The following LRMDA variants were observed in gnomAD, a reference collection of about 807,000 sequenced individuals.
LRMDA encodes the protein leucine-rich melanocyte differentiation-associated protein.
Under a neutral mutation model 29.8 loss-of-function variants are expected in LRMDA, and 18 were observed. That is an observed-to-expected ratio of 0.60 (90% confidence interval 0.42 to 0.90). LRMDA has a LOEUF of 0.90. LRMDA is among the 40% of genes least tolerant of loss of function. The pLI is 0.00. For synonymous variants in LRMDA, 125 were observed against 109.4 expected (o/e 1.14, Z -0.89); for missense variants, 273 against 273.9 (o/e 1.00, Z 0.02).
chr10:75,786,553 T>A (rs1236103026), intron 2 of LRMDA, among the ~76,000 whole-genome samples: 2 of 152,214 alleles, frequency 1.3e-5, no homozygotes, highest in Non-Finnish European at 2.9e-5. Flanking sequence ...CTATATGGAA[T>A]ATATTCTTTC....
intron 2 of LRMDA, among the ~76,000 whole-genome samples, chr10:75,862,178 T>TCACACACACACACACACA (rs3042514): frequency 6.8e-6 from 1 of 147,582 alleles, no homozygotes; most frequent in Non-Finnish European, 1.5e-5. Context: ...AACCTTGGGT[T>TCACACACACACACACACA]CACACACACA....
intron 2 of LRMDA, among the ~76,000 whole-genome samples, chr10:75,659,599 C>T (rs1402011541): frequency 6.6e-6 from 1 of 152,142 alleles, no homozygotes; most frequent in Non-Finnish European, 1.5e-5. Flanking sequence ...GTCAAACTCC[C>T]AGAAGCAGGG....
At chr10:76,410,298 CTTTTTTTTTTTT>C (rs1172213249) in intron 6 of LRMDA, among the ~76,000 whole-genome samples, 16 of 66,564 alleles carry the variant, frequency 2.4e-4, no homozygotes, top group Admixed American at 8.7e-4. Context: ...CACTTTCTTT[CTTTTTTTTTTTT>C]TTTTTTTTTT....
intron 2 of LRMDA, among the ~76,000 whole-genome samples, chr10:75,819,669 G>A (rs1368816599): frequency 6.6e-6 from 1 of 152,160 alleles, no homozygotes; most frequent in East Asian, 1.9e-4. Flanking sequence ...TTCTGGTGAT[G>A]TCCTAGATAT....
chr10:76,319,271 CT>C (rs1840739844), intron 5 of LRMDA: 1 of 152,218 alleles, frequency 6.6e-6, no homozygotes, highest in Non-Finnish European at 1.5e-5. Context: ...CATGAATTGA[CT>C]TCTTCCTGTA....
intron 3 of LRMDA, among the ~76,000 whole-genome samples, chr10:76,044,450 T>A (rs954007635): frequency 6.6e-6 from 1 of 151,610 alleles, no homozygotes; most frequent in Non-Finnish European, 1.5e-5. Context: ...TTTTTTTTTT[T>A]TTTTTTCTTT....
rs192432009 is a variant in LRMDA at position 76,139,422 on chromosome 10, C to T, written c.516+80639C>T. ...CAAACCCCTTTTAATTTACCACCTT[C>T]CTCTACACACGCACAGACGCACATG... On this transcript the variant is annotated intron_variant, in intron 5 of 6. Coordinates refer to ENST00000611255, the MANE Select transcript of LRMDA (RefSeq NM_001305581.2). Among the ~76,000 whole-genome samples, 13 of 151,352 alleles carry T rather than the reference C, an allele frequency of 8.6e-5. No individual in the cohort carries two copies. The East Asian group carries it at 2.5e-3, about 30-fold the overall frequency.
intron 2 of LRMDA, among the ~76,000 whole-genome samples, chr10:76,006,181 C>T (rs1427856734): frequency 1.3e-5 from 2 of 152,140 alleles, no homozygotes; most frequent in African/African-American, 4.8e-5. Context: ...CTTTCTTTAT[C>T]TTCCTGGAGT....
At chr10:76,345,838 T>G (rs1841102033) in intron 6 of LRMDA, among the ~76,000 whole-genome samples, 1 of 152,214 alleles carries the variant, frequency 6.6e-6, no homozygotes, top group Admixed American at 6.5e-5. Flanking sequence ...AGCATTTTTC[T>G]AGTAGTAAAA....
At chr10:75,753,610 G>C (rs558756610) in intron 2 of LRMDA, among the ~76,000 whole-genome samples, 21 of 152,322 alleles carry the variant, frequency 1.4e-4, no homozygotes, top group Admixed American at 3.9e-4. Flanking sequence ...AATGCTGACA[G>C]AGGCAAGGGA....
At chr10:76,215,123 G>A (rs185404055) in intron 5 of LRMDA, among the ~76,000 whole-genome samples, 1 of 152,308 alleles carries the variant, frequency 6.6e-6, no homozygotes, top group East Asian at 1.9e-4. Context: ...TGATGGTTGG[G>A]GGATGTCAGC....
intron 2 of LRMDA, among the ~76,000 whole-genome samples, chr10:75,900,530 A>G (rs1051863501): frequency 1.3e-5 from 2 of 152,224 alleles, no homozygotes; most frequent in African/African-American, 4.8e-5. Flanking sequence ...TTGAGACTAG[A>G]TTGGGGGAGG....
intron 5 of LRMDA, among the ~76,000 whole-genome samples, chr10:76,158,002 T>C (rs56894430): frequency 0.012 from 1,791 of 152,228 alleles, 35 homozygotes; most frequent in African/African-American, 0.04. Context: ...TACAGTAAAA[T>C]ACGATATTAT....
chr10:76,426,492 C>T (rs1002509592), intron 6 of LRMDA, among the ~76,000 whole-genome samples: 12 of 151,638 alleles, frequency 7.9e-5, no homozygotes, highest in Admixed American at 4.6e-4. Context: ...ATTGTAGATT[C>T]TGGATATTAG....
chr10:75,789,368 G>A (rs1843527471), intron 2 of LRMDA, among the ~76,000 whole-genome samples: 1 of 152,224 alleles, frequency 6.6e-6, no homozygotes, highest in African/African-American at 2.4e-5. Flanking sequence ...CATACAGTGA[G>A]AAGAATGAAA....
intron 2 of LRMDA, among the ~76,000 whole-genome samples, chr10:75,680,320 A>G (rs1197747667): frequency 6.6e-6 from 1 of 152,216 alleles, no homozygotes; most frequent in African/African-American, 2.4e-5. Context: ...AGAAGAATGT[A>G]CACGAACCAA....
rs535086048 is a variant in LRMDA at position 76,315,712 on chromosome 10, G to A, written c.517-8689G>A. On this transcript the variant is annotated intron_variant, in intron 5 of 6. Transcript: ENST00000611255. ...GTGGAAGGCAGACAGGTCCCTGGGCGGAAGGGGGTGGGTGCCCAGTGAAAC... is the reference window on the plus strand; with the variant it reads ...GTGGAAGGCAGACAGGTCCCTGGGCAGAAGGGGGTGGGTGCCCAGTGAAAC... Among the ~76,000 whole-genome samples the A allele has an allele frequency of 2.6e-5, 4 of 152,288 alleles. No homozygotes were observed. The South Asian group carries it at 8.3e-4, about 32-fold the overall frequency.
At chr10:75,866,349 A>C (rs1340418197) in intron 2 of LRMDA, among the ~76,000 whole-genome samples, 2 of 152,116 alleles carry the variant, frequency 1.3e-5, no homozygotes, top group African/African-American at 4.8e-5. Flanking sequence ...GTGGCCTACA[A>C]CTCTGGAATA....
intron 6 of LRMDA, among the ~76,000 whole-genome samples, chr10:76,401,319 T>A (rs1841846081): frequency 6.6e-6 from 1 of 152,348 alleles, no homozygotes; most frequent in Non-Finnish European, 1.5e-5. Flanking sequence ...TTTATTTACT[T>A]GCTTATTCTT....
Sources: allele counts gnomAD v4.1 joint callset (sites outside exome capture counted in the v4.1 genomes callset), GRCh38; gene constraint gnomAD v4.1.1; transcripts MANE v1.5; gene names NCBI Gene and HGNC (gene_info 2026-07-23, HGNC 2026-07-21).